The following FOLR3 variants were observed in gnomAD, a reference collection of about 807,000 sequenced individuals.
The protein encoded by FOLR3 is folate receptor gamma, also known as folate receptor 3 (gamma).
Under a neutral mutation model 20.0 loss-of-function variants are expected in FOLR3, and 9 were observed. That is an observed-to-expected ratio of 0.45 (90% CI 0.27 to 0.79). FOLR3 has a LOEUF of 0.79. Among genes scored for constraint, FOLR3 ranks in the 30% least tolerant of loss-of-function variants. FOLR3 has a pLI of 0.15. For missense variants in FOLR3, 309 were observed against 323.5 expected (o/e 0.96, Z 0.34); for synonymous variants, 124 against 115.5 (o/e 1.07, Z -0.47).
In FOLR3 at chr11:72,138,981, T is replaced by A; in HGVS notation, c.189T>A (p.Asn63Lys). ...CCCAGTGCAGTCCCTGGAAGAAGAA[T>A]GCCTGCTGCACGGCCAGCACCAGCC... ...LYGQCSPWKKNACCTASTSQE... is the reference protein window; with the variant it reads ...LYGQCSPWKKKACCTASTSQE... The change falls in exon 3 of 5, where the codon AAT becomes AAA. Residue 63 changes from asparagine (N) to lysine (K), a missense_variant. Coordinates refer to ENST00000611028, the MANE Select transcript of FOLR3 (RefSeq NM_000804.4). The A allele has an allele frequency of 6.2e-7, 1 of 1,613,952 alleles. No individual in the cohort carries two copies. The highest frequency in any genetic ancestry group is 2.2e-5 in the East Asian group (1 of 44,880).
rs1947782024 is a variant in FOLR3 at position 72,139,109 on chromosome 11, TC to T, written c.318del (p.Tyr107MetfsTer24). ...CGCCACTTTATCCAGGACAGCTGTC[TC>T]TATGAGTGCTCACCCAACCTGGGGC... ...CKRHFIQDSC[L>X]YECSPNLGPW... On this transcript the variant is annotated frameshift_variant, in exon 3 of 5. Coordinates refer to ENST00000611028, the MANE Select transcript of FOLR3 (RefSeq NM_000804.4). LOFTEE classifies it high-confidence loss of function. The T allele has an allele frequency of 1.3e-6, 2 of 1,496,286 alleles. No individual in the cohort carries two copies. The highest frequency in any genetic ancestry group is 1.8e-6 in the Non-Finnish European group (2 of 1,121,782). 92.7% of individuals were successfully genotyped at this position (1,496,286 alleles called of 1,614,324 possible).
In FOLR3 at chr11:72,135,750, G is replaced by A. The variant is rs1179683678; in HGVS notation, c.-25G>A. ...AGAGCCTGGACCTACAGCGCTGTTG[G>A]TGGAGGTCCTGCCTCCAGGTAGGGG... On this transcript the variant is annotated 5_prime_UTR_variant, in exon 1 of 5. The change creates a new upstream start codon in the 5' untranslated region. Coordinates refer to ENST00000611028, the MANE Select transcript of FOLR3 (RefSeq NM_000804.4). 4.9e-6 allele frequency: 3 copies of A among 614,004 alleles called. No individual in the cohort carries two copies. Among genetic ancestry groups the A allele is most frequent in the Non-Finnish European group, 8.7e-6 (3 of 346,496 alleles). The allele number at this position is 614,004 out of a possible 1,614,324, so 38.0% of individuals were successfully genotyped here. A position where few individuals can be genotyped will look rare whatever the true frequency, so the allele number is the denominator to read the frequency against.
At chr11:72,135,842 G>A in intron 1 of FOLR3, 74 bp downstream of exon 1, 3 of 1,225,384 alleles carry the variant, frequency 2.4e-6, no homozygotes, top group Non-Finnish European at 3.5e-6. Context: ...GGGATGCAGG[G>A]TGGGGACAGC....
At chr11:72,137,797 TA>T (rs1947759777) in intron 2 of FOLR3, among the ~76,000 whole-genome samples, 1 of 152,034 alleles carries the variant, frequency 6.6e-6, no homozygotes, top group African/African-American at 2.4e-5. Context: ...TTAAACTCTG[TA>T]AAAATGGGGG....
At chr11:72,139,505 TGAG>T (rs1266684662) in intron 4 of FOLR3, 23 bp downstream of exon 4, 1 of 1,613,398 alleles carries the variant, frequency 6.2e-7, no homozygotes, top group African/African-American at 1.3e-5. Context: ...GGAGATAAGA[TGAG>T]GAGTGGGAGT....
At chr11:72,138,449 G>A (rs1947768303) in intron 2 of FOLR3, among the ~76,000 whole-genome samples, 1 of 152,050 alleles carries the variant, frequency 6.6e-6, no homozygotes, top group Admixed American at 6.6e-5. Flanking sequence ...CTCAGACAGT[G>A]GCTCTCCCTC....
rs571272588 is a variant in FOLR3 at position 72,138,163 on chromosome 11, T to C, written c.169-798T>C. ...GGGTGGATCACCTGAGGTCAGGAGT[T>C]CGAGACCAGCCTGGCAAACATGGTG... On this transcript the variant is annotated intron_variant, in intron 2 of 4. Coordinates refer to ENST00000611028, the MANE Select transcript of FOLR3 (RefSeq NM_000804.4). Among the ~76,000 whole-genome samples the C allele has an allele frequency of 2.0e-5, 3 of 152,124 alleles. No homozygotes were observed. In the South Asian group the frequency reaches 6.2e-4, roughly 32 times the overall value.
chr11:72,137,781 GCTTACTTAAACT>G (rs1254753099), intron 2 of FOLR3, among the ~76,000 whole-genome samples: 2 of 152,054 alleles, frequency 1.3e-5, no homozygotes, highest in Admixed American at 6.6e-5. Context: ...CATGGGTGTA[GCTTACTTAAACT>G]CTGTAAAAAT....
intron 2 of FOLR3, 84 bp from the exon 3 acceptor site, chr11:72,138,877 T>G (rs750375149): frequency 1.3e-6 from 2 of 1,537,148 alleles, no homozygotes; most frequent in Non-Finnish European, 1.8e-6. Context: ...TTCCTCTGGA[T>G]GACCTACCTG....
At chr11:72,138,709 C>T in intron 2 of FOLR3, 1 of 530,784 alleles carries the variant, frequency 1.9e-6, no homozygotes, top group Non-Finnish European at 3.4e-6. Flanking sequence ...GATGTTGAGG[C>T]TGCAGTGAGC....
intron 3 of FOLR3, 45 bp downstream of exon 3, chr11:72,139,194 A>G: frequency 6.3e-7 from 1 of 1,581,246 alleles, no homozygotes; most frequent in Non-Finnish European, 8.6e-7. Flanking sequence ...CAGAGGGCGG[A>G]GCCTGCCAGT....
At chr11:72,135,834 G>A in intron 1 of FOLR3, 66 bp downstream of exon 1, 2 of 1,130,620 alleles carry the variant, frequency 1.8e-6, no homozygotes, top group Non-Finnish European at 2.6e-6. Context: ...CCCTGTAGGG[G>A]ATGCAGGGTG....
Position 72,139,387 on chromosome 11 carries a change from C to T in FOLR3, c.398C>T (p.Pro133Leu), listed in dbSNP as rs1398433924. The T allele has an allele frequency of 6.2e-7, 1 of 1,611,992 alleles. No individual in the cohort carries two copies. The highest frequency in any genetic ancestry group is 8.5e-7 in the Non-Finnish European group (1 of 1,178,940). ...SWRKERILNV[P>L]LCKEDCERWW... Reference sequence around the variant, plus strand: ...CGCAAAGAGCGCATTCTGAACGTGCCCCTGTGCAAAGAGGACTGTGAGCGC... The same window carrying T: ...CGCAAAGAGCGCATTCTGAACGTGCTCCTGTGCAAAGAGGACTGTGAGCGC... The change falls in exon 4 of 5, where the codon CCC (proline) becomes CTC (leucine). Residue 133 changes from proline to leucine, a missense_variant. Physicochemically the swap from Pro to Leu is moderately conservative, Grantham distance 98. Transcript: ENST00000611028.
At chr11:72,138,083 T>C (rs1324900934) in intron 2 of FOLR3, among the ~76,000 whole-genome samples, 3 of 152,108 alleles carry the variant, frequency 2.0e-5, no homozygotes, top group Admixed American at 2.0e-4. Flanking sequence ...TAACATGAAA[T>C]AGGCCGAACG....
chr11:72,136,933 T>C (rs1349661664), intron 2 of FOLR3, among the ~76,000 whole-genome samples: 1 of 152,172 alleles, frequency 6.6e-6, no homozygotes, highest in East Asian at 1.9e-4. Flanking sequence ...AGACCCATGA[T>C]GTGCAAGGGG....
At chr11:72,136,205 C>A in intron 2 of FOLR3, 85 bp downstream of exon 2, 3 of 1,505,620 alleles carry the variant, frequency 2.0e-6, no homozygotes, top group South Asian at 2.4e-5. Flanking sequence ...TGGTCAGAAC[C>A]AAGGGTGCCG....
rs1413950195 is a variant in FOLR3 at position 72,139,368 on chromosome 11, G to C, written c.379G>C (p.Glu127Gln). 2 of 1,612,048 alleles carry C rather than the reference G, an allele frequency of 1.2e-6. No individual in the cohort carries two copies. The highest frequency in any genetic ancestry group is 1.7e-6 in the Non-Finnish European group (2 of 1,178,958). ...IRQVNQSWRK[E>Q]RILNVPLCKE... The stretch of plus-strand genomic sequence containing the variant: ...TCAGGTCAACCAGAGCTGGCGCAAA[G>C]AGCGCATTCTGAACGTGCCCCTGTG... The change falls in exon 4 of 5, where the codon GAG becomes CAG. Residue 127 changes from glutamate (E) to glutamine (Q), a missense_variant. By Grantham distance (29) the Glu-to-Gln change is conservative. Transcript: ENST00000611028.
Position 72,139,695 on chromosome 11 carries a change from A to G in FOLR3, c.602A>G (p.Asn201Ser), listed in dbSNP as rs1475430571. The G allele has an allele frequency of 9.9e-6, 16 of 1,613,648 alleles. No homozygotes were observed. The highest frequency in any genetic ancestry group is 1.3e-5 in the African/African-American group (1 of 74,914). The change falls in exon 5 of 5, where the codon AAC becomes AGC. Residue 201 changes from asparagine (N) to serine (S), a missense_variant. Asn to Ser is a conservative substitution (Grantham distance 46). Coordinates refer to ENST00000611028, the MANE Select transcript of FOLR3 (RefSeq NM_000804.4). ...GLWSHSFKVS[N>S]YSRGSGRCIQ... ...TGGAGCCACTCCTTCAAGGTCAGCA[A>G]CTATAGTCGAGGGAGCGGCCGCTGC...
chr11:72,138,326 A>G (rs1947766635), intron 2 of FOLR3, among the ~76,000 whole-genome samples: 1 of 152,156 alleles, frequency 6.6e-6, no homozygotes, highest in Non-Finnish European at 1.5e-5. Context: ...AGATCACGCC[A>G]CTGCACTCCA....
Sources: allele counts gnomAD v4.1 joint callset (sites outside exome capture counted in the v4.1 genomes callset), GRCh38; gene constraint gnomAD v4.1.1; transcripts MANE v1.5; gene names NCBI Gene and HGNC (gene_info 2026-07-23, HGNC 2026-07-21).